Variants in NFX1 observed in about 807,000 individuals in gnomAD.
The protein encoded by NFX1 is transcriptional repressor NF-X1.
Under a neutral mutation model 137.2 loss-of-function variants are expected in NFX1, and 69 were observed. That is an observed-to-expected ratio of 0.50 (90% confidence interval 0.41 to 0.61). NFX1 has a LOEUF of 0.61. NFX1 is among the 20% of genes least tolerant of loss of function. NFX1 has a pLI of 0.00. For synonymous variants in NFX1, 495 were observed against 474.1 expected (o/e 1.04, Z -0.57); for missense variants, 1,167 against 1,391.0 (o/e 0.84, Z 2.56).
chr9:33,367,602 C>A lies in NFX1; in HGVS notation c.3273C>A (p.His1091Gln). The A allele has an allele frequency of 6.2e-7, 1 of 1,613,804 alleles. No homozygotes were observed. The highest frequency in any genetic ancestry group is 8.5e-7 in the Non-Finnish European group (1 of 1,179,758). ...GGCCTCCACCACCGATTCCTCATCA[C>A]AGACATCAGTCAGACAAGTAAGATT... ...QARPPPPIPH[H>Q]RHQSDKNPGS... The change falls in exon 23 of 24, where the codon CAC becomes CAA. Residue 1091 changes from histidine (H) to glutamine (Q), a missense_variant. This residue lies in a region of NFX1 where 312 missense variants were observed against 312.8 expected (regional missense o/e 1.00). Coordinates refer to ENST00000379540, the MANE Select transcript of NFX1 (RefSeq NM_002504.6).
intron 19 of NFX1, among the ~76,000 whole-genome samples, chr9:33,362,162 C>A (rs1824013980): frequency 6.6e-6 from 1 of 151,012 alleles, no homozygotes; most frequent in South Asian, 2.1e-4. Context: ...GGAACACTTA[C>A]ACATTCTTGG....
intron 12 of NFX1, among the ~76,000 whole-genome samples, chr9:33,342,195 C>T (rs1402306098): frequency 1.9e-5 from 1 of 51,420 alleles, no homozygotes; most frequent in Non-Finnish European, 4.4e-5. Context: ...CAAACTGGCT[C>T]ATGCCTGTAA....
chr9:33,332,267 G>A (rs1822834284), intron 10 of NFX1, among the ~76,000 whole-genome samples: 1 of 152,174 alleles, frequency 6.6e-6, no homozygotes, highest in South Asian at 2.1e-4. Context: ...TGAAAAGTCT[G>A]TAAGCCTGGA....
chr9:33,295,836 T>TG (rs1821335516), intron 2 of NFX1, among the ~76,000 whole-genome samples: 1 of 152,242 alleles, frequency 6.6e-6, no homozygotes, highest in African/African-American at 2.4e-5. Context: ...TCTGCTTAGT[T>TG]GCAGCAGTTC....
At chr9:33,295,681 G>C (rs1821329361) in intron 2 of NFX1, among the ~76,000 whole-genome samples, 1 of 152,170 alleles carries the variant, frequency 6.6e-6, no homozygotes, top group Non-Finnish European at 1.5e-5. Context: ...GAGGAATTTT[G>C]TAAGGGTTTT....
chr9:33,294,115 T>G (rs1821259096), intron 1 of NFX1, among the ~76,000 whole-genome samples: 1 of 152,228 alleles, frequency 6.6e-6, no homozygotes, highest in Non-Finnish European at 1.5e-5. Flanking sequence ...TAGCTGGCCT[T>G]AAATTTTTGT....
chr9:33,309,479 C>G (rs1361758641), intron 5 of NFX1, among the ~76,000 whole-genome samples: 1 of 152,186 alleles, frequency 6.6e-6, no homozygotes, highest in African/African-American at 2.4e-5. Context: ...AAAAGAACAC[C>G]TTAAAACCTG....
At chr9:33,347,260 T>A in intron 15 of NFX1, 143 bp downstream of exon 15, 1 of 634,526 alleles carries the variant, frequency 1.6e-6, no homozygotes. Flanking sequence ...TTTCTTAAGA[T>A]ATAATTTGCA....
At chr9:33,316,460 C>T (rs899874339) in intron 7 of NFX1, among the ~76,000 whole-genome samples, 1 of 152,154 alleles carries the variant, frequency 6.6e-6, no homozygotes, top group Non-Finnish European at 1.5e-5. Context: ...GGCTTTTACT[C>T]AGCTAAATCA....
At chr9:33,363,086 G>C (rs1824054174) in intron 19 of NFX1, among the ~76,000 whole-genome samples, 1 of 151,828 alleles carries the variant, frequency 6.6e-6, no homozygotes, top group Admixed American at 6.6e-5. Context: ...TAGAAAAGAG[G>C]CTTCTGTGTA....
rs1330446298 is a variant in NFX1, at chr9:33,338,702, C to A, written c.2115+113C>A. ...GATTTAAAAGTCACTGGGACAGGCC[C>A]CTAAGCAGCAGTCAGAGAGCTCTCA... On this transcript the variant is annotated intron_variant, in intron 12 of 23. Coordinates refer to ENST00000379540, the MANE Select transcript of NFX1 (RefSeq NM_002504.6). The A allele has an allele frequency of 4.5e-6, 4 of 879,972 alleles. No homozygotes were observed. The African/African-American group carries it at 6.9e-5, about 15-fold the overall frequency. The allele number at this position is 879,972 out of a possible 1,614,324, so 54.5% of individuals were successfully genotyped here. A position where few individuals can be genotyped will look rare whatever the true frequency, so the allele number is the denominator to read the frequency against.
chr9:33,292,645 G>A (rs996162454), intron 1 of NFX1, among the ~76,000 whole-genome samples: 1 of 152,096 alleles, frequency 6.6e-6, no homozygotes. Flanking sequence ...GTCTCTTATG[G>A]GTTTTTTTCC....
intron 19 of NFX1, among the ~76,000 whole-genome samples, chr9:33,357,641 C>T (rs1317004040): frequency 2.6e-5 from 4 of 151,938 alleles, no homozygotes; most frequent in East Asian, 1.9e-4. Context: ...AAGGGATCCT[C>T]GTGCCTCAGC....
At chr9:33,305,958 G>A (rs1821738755) in intron 4 of NFX1, among the ~76,000 whole-genome samples, 1 of 152,178 alleles carries the variant, frequency 6.6e-6, no homozygotes, top group South Asian at 2.1e-4. Context: ...AGAAAAGGGT[G>A]TAATGCAGAA....
chr9:33,338,582 G>A lies in NFX1; in HGVS notation c.2108G>A (p.Cys703Tyr). 1 of 1,593,332 alleles carries A rather than the reference G, an allele frequency of 6.3e-7. No individual in the cohort carries two copies. Residue 703 changes from cysteine to tyrosine, a missense_variant, in exon 12 of 24, where the codon TGC becomes TAC. By Grantham distance (194) the Cys-to-Tyr change is radical. This residue lies in a region of NFX1 where 488 missense variants were observed against 691.5 expected (regional missense o/e 0.71). Transcript: ENST00000379540. ...LCGRHKCNEI[C>Y]CVDKEHKCPL... The stretch of plus-strand genomic sequence containing the variant: ...GGACGGCATAAATGTAATGAGATAT[G>A]CTGTGTGGTAAGTGGACTTATTAGG...
Position 33,351,744 on chromosome 9 carries a change from C to T in NFX1, c.2609C>T (p.Pro870Leu). 6.2e-7 allele frequency: 1 copy of T among 1,608,924 alleles called. No individual in the cohort carries two copies. Among genetic ancestry groups the T allele is most frequent in the African/African-American group, 1.3e-5 (1 of 74,940 alleles). ...RADCGHPCMA[P>L]CHTSSPCPVT... ...GACTGTGGTCACCCGTGTATGGCAC[C>T]CTGCCATACCAGCTCACCCTGCCCT... is the stretch of plus-strand genomic sequence containing the variant. The change falls in exon 16 of 24, where the codon CCC becomes CTC. Residue 870 changes from proline (P) to leucine (L), a missense_variant. By Grantham distance (98) the Pro-to-Leu change is moderately conservative. Coordinates refer to ENST00000379540, the MANE Select transcript of NFX1 (RefSeq NM_002504.6).
At chr9:33,317,433 A>G (rs80217601) in intron 7 of NFX1, among the ~76,000 whole-genome samples, 8 of 138,906 alleles carry the variant, frequency 5.8e-5, no homozygotes, top group Non-Finnish European at 1.3e-4. Context: ...AAAAAAAAAA[A>G]AAGAAAGAAA....
intron 12 of NFX1, 112 bp downstream of exon 12, chr9:33,338,701 C>T (rs1823105991): frequency 1.1e-6 from 1 of 879,082 alleles, no homozygotes. Flanking sequence ...TGGGACAGGC[C>T]CCTAAGCAGC....
At chr9:33,337,301 T>C (rs1293202046) in intron 11 of NFX1, among the ~76,000 whole-genome samples, 1 of 152,238 alleles carries the variant, frequency 6.6e-6, no homozygotes, top group African/African-American at 2.4e-5. Context: ...ATTTACATTA[T>C]ATTTGGTGTT....
Sources: gnomAD v4.1 joint callset for allele counts (sites outside exome capture counted in the v4.1 genomes callset) on GRCh38, gnomAD v4.1.1 for gene constraint, gnomAD v4.1.1 regional missense constraint, MANE v1.5 for transcripts, NCBI Gene and HGNC (gene_info 2026-07-23, HGNC 2026-07-21) for gene names.